The following GRID1 variants were observed in gnomAD, a reference collection of about 807,000 sequenced individuals.
The protein encoded by GRID1 is glutamate ionotropic receptor delta type subunit 1, also known as glutamate receptor ionotropic, delta-1.
Under a neutral mutation model 98.0 loss-of-function variants are expected in GRID1, and 28 were observed. The observed-to-expected ratio is 0.29, with a 90% CI of 0.21 to 0.39. GRID1 has a LOEUF of 0.39. Among genes scored for constraint, GRID1 ranks in the 10% least tolerant of loss-of-function variants. GRID1 has a pLI of 1.00. For missense variants in GRID1, 1,111 were observed against 1,340.5 expected, an observed-to-expected ratio of 0.83 and a Z score of 2.67; for synonymous variants, 553 against 538.5, an observed-to-expected ratio of 1.03 and a Z score of -0.37.
intron 3 of GRID1, among the ~76,000 whole-genome samples, chr10:86,199,123 A>G (rs182187354): frequency 6.6e-6 from 1 of 152,262 alleles, no homozygotes; most frequent in Non-Finnish European, 1.5e-5. Flanking sequence ...CTCCCATCCC[A>G]GTCCAACCCA....
At chr10:85,602,866 C>G (rs1423606094) in intron 15 of GRID1, among the ~76,000 whole-genome samples, 165 bp from the exon 16 acceptor site, 1 of 152,096 alleles carries the variant, frequency 6.6e-6, no homozygotes, top group Non-Finnish European at 1.5e-5. Flanking sequence ...TATGGCCAAC[C>G]CTCAGTTATC....
chr10:85,961,194 G>A lies in GRID1; in HGVS notation c.727-44955C>T, dbSNP rs1173267037. On this transcript the variant is annotated intron_variant, in intron 4 of 15. Transcript: ENST00000327946. ...AGAATGAAATAATGTACATGAAAGT[G>A]CTTTGAAAACACTAAATTGCTCCCC... is the stretch of plus-strand genomic sequence containing the variant. Among the ~76,000 whole-genome samples the A allele has an allele frequency of 3.9e-5, 6 of 152,166 alleles. No individual in the cohort carries two copies. In the South Asian group the frequency reaches 6.2e-4, roughly 16 times the overall value.
chr10:85,766,031 G>A (rs1447591384), intron 8 of GRID1, among the ~76,000 whole-genome samples: 1 of 152,228 alleles, frequency 6.6e-6, no homozygotes, highest in East Asian at 1.9e-4. Flanking sequence ...GTGCACAGGT[G>A]AGGTTGTGTC....
intron 4 of GRID1, among the ~76,000 whole-genome samples, chr10:85,975,036 T>C (rs2131857392): frequency 6.6e-6 from 1 of 152,348 alleles, no homozygotes; most frequent in South Asian, 2.1e-4. Flanking sequence ...TTTCTCCATG[T>C]TCTCTACAAG....
intron 2 of GRID1, among the ~76,000 whole-genome samples, chr10:86,311,161 G>A (rs1309125533): frequency 6.6e-6 from 1 of 152,270 alleles, no homozygotes; most frequent in Admixed American, 6.5e-5. Flanking sequence ...TCCTCCAAGA[G>A]CCTACTGAGC....
intron 2 of GRID1, among the ~76,000 whole-genome samples, chr10:86,212,673 C>A (rs1846123724): frequency 6.6e-6 from 1 of 152,236 alleles, no homozygotes; most frequent in African/African-American, 2.4e-5. Context: ...CAGCCACCCT[C>A]ATTATCTGTA....
At chr10:85,731,664 T>G (rs1841824087) in intron 8 of GRID1, among the ~76,000 whole-genome samples, 1 of 151,634 alleles carries the variant, frequency 6.6e-6, no homozygotes, top group South Asian at 2.1e-4. Context: ...TTAGCCAGTG[T>G]GGTGGCATAC....
intron 4 of GRID1, among the ~76,000 whole-genome samples, chr10:86,022,952 T>C (rs1471821570): frequency 6.6e-6 from 1 of 152,040 alleles, no homozygotes; most frequent in Non-Finnish European, 1.5e-5. Context: ...AATTCCTTTT[T>C]TAAGACCTGC....
At chr10:85,744,386 G>GGTTAGAGACAATGC (rs1841978267) in intron 8 of GRID1, among the ~76,000 whole-genome samples, 1 of 151,626 alleles carries the variant, frequency 6.6e-6, no homozygotes, top group African/African-American at 2.4e-5. Context: ...TTTTAAAATG[G>GGTTAGAGACAATGC]AACAGAACAG....
At chr10:86,139,960 G>A (rs957237236) in intron 3 of GRID1, among the ~76,000 whole-genome samples, 4 of 152,226 alleles carry the variant, frequency 2.6e-5, no homozygotes, top group Admixed American at 6.5e-5. Flanking sequence ...TTCCCAAAAA[G>A]AGACATGCCC....
intron 13 of GRID1, chr10:85,643,974 C>T (rs1481044302): frequency 6.6e-6 from 1 of 152,150 alleles, no homozygotes; most frequent in Admixed American, 6.5e-5. Context: ...CTAAGTGCCG[C>T]CAATGGACAA....
chr10:85,963,634 C>T (rs2131850566), intron 4 of GRID1, among the ~76,000 whole-genome samples: 1 of 152,280 alleles, frequency 6.6e-6, no homozygotes, highest in South Asian at 2.1e-4. Context: ...ATTTCATGTC[C>T]ATATGTATAA....
Position 86,021,832 on chromosome 10 carries a change from C to A in GRID1, c.727-105593G>T, listed in dbSNP as rs114316216. ...AGACCACAGGCTACGCTAGACCCTC[C>A]CCAGAAGATTTGGAGAGCTTCACCC... On this transcript the variant is annotated intron_variant, in intron 4 of 15. Coordinates refer to ENST00000327946, the MANE Select transcript of GRID1 (RefSeq NM_017551.3). Among the ~76,000 whole-genome samples the A allele has an allele frequency of 4.6e-3, 707 of 152,310 alleles. 6 individuals are homozygous for A. Among genetic ancestry groups the A allele is most frequent in the African/African-American group, 0.016 (675 of 41,556 alleles).
intron 12 of GRID1, 132 bp from the exon 13 acceptor site, chr10:85,647,529 TC>T: frequency 1.4e-6 from 1 of 704,532 alleles, no homozygotes; most frequent in Non-Finnish European, 2.4e-6. Context: ...TCATTCCCCA[TC>T]CCCCAAAGTT....
intron 4 of GRID1, among the ~76,000 whole-genome samples, chr10:86,038,151 C>A (rs1843295169): frequency 6.6e-6 from 1 of 152,152 alleles, no homozygotes; most frequent in Admixed American, 6.5e-5. Flanking sequence ...GAACTCCTAG[C>A]CTCCAGAACT....
intron 4 of GRID1, among the ~76,000 whole-genome samples, chr10:85,993,672 T>C (rs1344771104): frequency 2.6e-5 from 4 of 152,226 alleles, no homozygotes; most frequent in Non-Finnish European, 5.9e-5. Context: ...AAGAAAATGA[T>C]GAAGAGCACC....
chr10:85,654,232 A>T (rs1840867403), intron 12 of GRID1, among the ~76,000 whole-genome samples: 1 of 152,182 alleles, frequency 6.6e-6, no homozygotes, highest in South Asian at 2.1e-4. Flanking sequence ...TTTCTCTCCA[A>T]ATCCCACTTC....
chr10:85,853,947 C>A (rs1367747276), intron 8 of GRID1, among the ~76,000 whole-genome samples: 1 of 152,238 alleles, frequency 6.6e-6, no homozygotes, highest in Non-Finnish European at 1.5e-5. Context: ...CCTGCACCAG[C>A]ACCAGCACCA....
At chr10:85,817,336 T>TG (rs1842724957) in intron 8 of GRID1, among the ~76,000 whole-genome samples, 1 of 150,634 alleles carries the variant, frequency 6.6e-6, no homozygotes, top group Non-Finnish European at 1.5e-5. Context: ...CAGACCAGCC[T>TG]GGGAAACACA....
Sources: gnomAD v4.1 joint callset for allele counts (sites outside exome capture counted in the v4.1 genomes callset) on GRCh38, gnomAD v4.1.1 for gene constraint, MANE v1.5 for transcripts, NCBI Gene and HGNC (gene_info 2026-07-23, HGNC 2026-07-21) for gene names.